Variants in TSPAN32 observed in about 807,000 individuals in gnomAD.
TSPAN32 encodes tetraspanin-32.
In TSPAN32, 47 loss-of-function variants were observed where a neutral mutation model predicts 42.7. The observed-to-expected ratio is 1.10, with a 90% CI of 0.87 to 1.40. The LOEUF (loss-of-function observed/expected upper bound fraction) is 1.40, where lower values mean the gene tolerates loss of function less well. TSPAN32 is among the 40% of genes most tolerant of loss of function. TSPAN32 has a pLI of 0.00. For missense variants in TSPAN32, 469 were observed against 424.1 expected (o/e 1.11, Z -0.93); for synonymous variants, 175 against 175.9 (o/e 0.99, Z 0.04).
At chr11:2,310,798 C>G (rs1433720938) in intron 4 of TSPAN32, among the ~76,000 whole-genome samples, 1 of 152,230 alleles carries the variant, frequency 6.6e-6, no homozygotes, top group Admixed American at 6.5e-5. Context: ...CAGGCTGGTC[C>G]TCCAGGACGT....
intron 4 of TSPAN32, among the ~76,000 whole-genome samples, chr11:2,310,358 G>A (rs1848392430): frequency 6.6e-6 from 1 of 152,178 alleles, no homozygotes; most frequent in Non-Finnish European, 1.5e-5. Flanking sequence ...GAAGATAGAT[G>A]CCCCAGCCGG....
chr11:2,302,846 G>T lies in TSPAN32; in HGVS notation c.69G>T (p.Leu23=). The change falls in exon 2 of 10, where the codon CTG becomes CTT. Residue 23 remains leucine (L), a splice_region_variant and synonymous_variant. Coordinates refer to ENST00000182290, the MANE Select transcript of TSPAN32 (RefSeq NM_139022.3). ...QMLVTCFFIL[L]LGLSVATMVT... ...CTCTGAGTCTGCCCTATCCACAGCT[G>T]CTGGGCCTCTCTGTGGCCACCATGG... 6.2e-7 allele frequency: 1 copy of T among 1,613,146 alleles called. No homozygotes were observed. The highest frequency in any genetic ancestry group is 8.5e-7 in the Non-Finnish European group (1 of 1,179,498).
At chr11:2,315,877 C>T (rs746921884) in intron 6 of TSPAN32, 24 of 1,418,782 alleles carry the variant, frequency 1.7e-5, no homozygotes, top group Non-Finnish European at 2.1e-5. Flanking sequence ...AGGTGCTGTG[C>T]CCGGCCCTGG....
rs575193412 is a variant in TSPAN32, at chr11:2,316,722, G to A, written c.719+55G>A. 6.3e-5 allele frequency: 94 copies of A among 1,489,572 alleles called. No homozygotes were observed. The African/African-American group carries it at 6.3e-4, about 10-fold the overall frequency. 92.3% of individuals were successfully genotyped at this position (1,489,572 alleles called of 1,614,324 possible). A position where few individuals can be genotyped will look rare whatever the true frequency, so the allele number is the denominator to read the frequency against. ...CTGGAAGGGTCCTCCAGCTCTGCTCGAGAGGCATCTGCTCTGCCAGCTGCT... is the reference window on the plus strand; with the variant it reads ...CTGGAAGGGTCCTCCAGCTCTGCTCAAGAGGCATCTGCTCTGCCAGCTGCT... On this transcript the variant is annotated intron_variant, in intron 8 of 9. Transcript: ENST00000182290.
chr11:2,316,375 G>A (rs760879592), intron 7 of TSPAN32, 63 bp downstream of exon 7: 28 of 1,550,274 alleles, frequency 1.8e-5, no homozygotes, highest in Admixed American at 1.5e-4. Flanking sequence ...CCCAGCCCCC[G>A]ACTCAGATGG....
rs1847942659 is a variant in TSPAN32 at position 2,304,320 on chromosome 11, C to T, written c.279+116C>T. The T allele has an allele frequency of 4.1e-6, 3 of 738,926 alleles. No homozygotes were observed. Among genetic ancestry groups the T allele is most frequent in the Non-Finnish European group, 6.4e-6 (3 of 469,710 alleles). 45.8% of individuals were successfully genotyped at this position (738,926 alleles called of 1,614,324 possible). On this transcript the variant is annotated intron_variant, in intron 3 of 9. Coordinates refer to ENST00000182290, the MANE Select transcript of TSPAN32 (RefSeq NM_139022.3). The surrounding 1 kb of genome is among the most constrained non-coding windows in gnomAD (Gnocchi z 4.8). ...CTGAGTGACCAGGCAGAACCAGAGG[C>T]CCCAGGGATGCTGGCCAGCCGAGAC...
intron 4 of TSPAN32, 127 bp downstream of exon 4, chr11:2,308,937 G>A (rs1252894093): frequency 1.9e-5 from 13 of 672,426 alleles, no homozygotes; most frequent in East Asian, 1.1e-4. Context: ...CGGGTGGGGT[G>A]GGGGAGACCG....
intron 5 of TSPAN32, among the ~76,000 whole-genome samples, chr11:2,314,175 A>AAAG (rs1554941889): frequency 6.7e-6 from 1 of 150,210 alleles, no homozygotes; most frequent in African/African-American, 2.4e-5. Flanking sequence ...AAAAAAAAAA[A>AAAG]AAAGAAAAGA....
At chr11:2,302,259 G>A in intron 1 of TSPAN32, 44 bp downstream of exon 1, 1 of 1,359,796 alleles carries the variant, frequency 7.4e-7, no homozygotes, top group Non-Finnish European at 9.5e-7. Context: ...GTGGGGGTGA[G>A]CAGGGGTGAG....
At chr11:2,303,023 C>A in intron 2 of TSPAN32, 65 bp downstream of exon 2, 1 of 1,411,348 alleles carries the variant, frequency 7.1e-7, no homozygotes, top group East Asian at 2.3e-5. Context: ...CTGGCACGAG[C>A]CCAGCTGGAC....
At position 2,313,695 on chromosome 11, in the gene TSPAN32, G is replaced by C; in HGVS notation, c.396G>C (p.Glu132Asp). Residue 132 changes from glutamate (E) to aspartate (D), a missense_variant, in exon 5 of 10, where the codon GAG becomes GAC. Transcript: ENST00000182290. This position sits in a 1 kb window ranked among gnomAD's most constrained non-coding sequence, Gnocchi z 9.1. ...AMLDTYDLVYEQAMKGTSHVR... is the reference protein window; with the variant it reads ...AMLDTYDLVYDQAMKGTSHVR... ...TGGACACCTACGACCTGGTATATGA[G>C]CAGGCGATGAAAGGTACGTCCCACG... 1 of 1,609,330 alleles carries C rather than the reference G, an allele frequency of 6.2e-7. No homozygotes were observed. Among genetic ancestry groups the C allele is most frequent in the Non-Finnish European group, 8.5e-7 (1 of 1,178,516 alleles).
intron 6 of TSPAN32, chr11:2,315,368 C>T: frequency 8.7e-7 from 1 of 1,147,756 alleles, no homozygotes; most frequent in Non-Finnish European, 1.1e-6. Flanking sequence ...GAGGATGGTG[C>T]TGGGGAGGGA....
intron 4 of TSPAN32, chr11:2,309,329 C>A: frequency 2.1e-6 from 1 of 470,586 alleles, no homozygotes; most frequent in Middle Eastern, 3.3e-4. Context: ...AGCACCCATC[C>A]TTCCGTCCTG....
chr11:2,312,290 C>T (rs1335018302), intron 4 of TSPAN32, among the ~76,000 whole-genome samples: 4 of 152,228 alleles, frequency 2.6e-5, no homozygotes, highest in Admixed American at 2.6e-4. Context: ...CTCCAGTCCT[C>T]ACCAGGACCT....
intron 2 of TSPAN32, chr11:2,303,197 T>C: frequency 1.8e-6 from 1 of 540,732 alleles, no homozygotes; most frequent in South Asian, 2.1e-5. Flanking sequence ...GTGGGCACAG[T>C]GTGGGTATAT....
rs972278489 is a variant in TSPAN32, at chr11:2,313,758, G to A, written c.456+3G>A. ...AGCTGGCGGCCATCCAGGACGTGGT[G>A]AGCGTGGGGACGGCTGGGTGGCAGG... is the stretch of plus-strand genomic sequence containing the variant. On this transcript the variant is annotated splice_donor_region_variant and intron_variant, in intron 5 of 9. Transcript: ENST00000182290. The surrounding 1 kb of genome is among the most constrained non-coding windows in gnomAD (Gnocchi z 9.1). 2 of 1,587,464 alleles carry A rather than the reference G, an allele frequency of 1.3e-6. No homozygotes were observed. Among genetic ancestry groups the A allele is most frequent in the Non-Finnish European group, 1.7e-6 (2 of 1,170,110 alleles).
At chr11:2,310,009 GGCT>G (rs1300502076) in intron 4 of TSPAN32, 2 of 152,666 alleles carry the variant, frequency 1.3e-5, no homozygotes, top group Non-Finnish European at 2.9e-5. Context: ...ATCCCAGAGG[GGCT>G]GAGCCCCCAG....
rs2234294 is a variant in TSPAN32 at position 2,303,092 on chromosome 11, G to C, written c.181+134G>C. ...AGGAGCCAGAGGTGGTCAGGGGCAGGGAGGGGCTGCCCTGGAGTCCTAGCT... is the reference window on the plus strand; with the variant it reads ...AGGAGCCAGAGGTGGTCAGGGGCAGCGAGGGGCTGCCCTGGAGTCCTAGCT... On this transcript the variant is annotated intron_variant, in intron 2 of 9. Coordinates refer to ENST00000182290, the MANE Select transcript of TSPAN32 (RefSeq NM_139022.3). 1.3e-3 allele frequency: 1,031 copies of C among 778,154 alleles called. 10 individuals are homozygous for C. The African/African-American group carries it at 0.016, about 12-fold the overall frequency. 48.2% of individuals were successfully genotyped at this position (778,154 alleles called of 1,614,324 possible). A position where few individuals can be genotyped will look rare whatever the true frequency, so the allele number is the denominator to read the frequency against.
At chr11:2,315,588 G>C in intron 6 of TSPAN32, 1 of 1,179,830 alleles carries the variant, frequency 8.5e-7, no homozygotes, top group Admixed American at 3.7e-5. Flanking sequence ...GGCTGGCATG[G>C]GCGGGAGGGA....
Sources: gnomAD v4.1 joint callset for allele counts (sites outside exome capture counted in the v4.1 genomes callset) on GRCh38, gnomAD v4.1.1 for gene constraint, Gnocchi (gnomAD v3.1) non-coding constraint, MANE v1.5 for transcripts, NCBI Gene and HGNC (gene_info 2026-07-23, HGNC 2026-07-21) for gene names.